Variants in HMGXB4 observed in about 807,000 individuals in gnomAD.
HMGXB4 encodes HMG domain-containing protein 4.
In HMGXB4, 27 loss-of-function variants were observed where a neutral mutation model predicts 63.9. The observed-to-expected ratio is 0.42, with a 90% confidence interval of 0.31 to 0.58. The LOEUF (loss-of-function observed/expected upper bound fraction) is 0.58. HMGXB4 is among the 20% of genes least tolerant of loss of function. HMGXB4 has a pLI of 0.13. For synonymous variants in HMGXB4, 264 were observed against 265.3 expected, an observed-to-expected ratio of 0.99 and a Z score of 0.05; for missense variants, 624 against 700.7, an observed-to-expected ratio of 0.89 and a Z score of 1.24.
intron 1 of HMGXB4, among the ~76,000 whole-genome samples, chr22:35,259,969 A>C (rs774597489): frequency 2.0e-5 from 3 of 152,176 alleles, no homozygotes; most frequent in Non-Finnish European, 4.4e-5. Context: ...ACAACTTTTT[A>C]ATCCACTAGT....
At chr22:35,291,636 C>T (rs145063960) in intron 9 of HMGXB4, among the ~76,000 whole-genome samples, 2 of 152,086 alleles carry the variant, frequency 1.3e-5, no homozygotes, top group Non-Finnish European at 2.9e-5. Flanking sequence ...CTATTATCTT[C>T]CCTGTATACT....
intron 9 of HMGXB4, among the ~76,000 whole-genome samples, chr22:35,291,112 A>G (rs534547224): frequency 2.0e-5 from 3 of 152,138 alleles, no homozygotes; most frequent in Admixed American, 2.0e-4. Context: ...AAAATACAAA[A>G]ATTAGCCAGT....
intron 5 of HMGXB4, among the ~76,000 whole-genome samples, chr22:35,268,256 C>T (rs1358365671): frequency 2.0e-5 from 3 of 152,204 alleles, no homozygotes; most frequent in Non-Finnish European, 4.4e-5. Flanking sequence ...ACCCCAGAGC[C>T]AACAACTGTT....
chr22:35,287,517 A>G, intron 8 of HMGXB4, 65 bp downstream of exon 8: 1 of 1,166,148 alleles, frequency 8.6e-7, no homozygotes, highest in African/African-American at 1.5e-5. Flanking sequence ...TTGCTAAGAA[A>G]CTGGGAAAAA....
chr22:35,246,126 A>C, the HMGXB4 span, among the ~76,000 whole-genome samples: 1 of 152,068 alleles, frequency 6.6e-6, no homozygotes, highest in South Asian at 2.1e-4. Context: ...CTTCCCTGAC[A>C]CCACCTGGGA....
At chr22:35,252,564 C>A (rs1283181835), upstream of HMGXB4, among the ~76,000 whole-genome samples, 1 of 152,224 alleles carries the variant, frequency 6.6e-6, no homozygotes, top group Non-Finnish European at 1.5e-5. Context: ...TGAGTAATAT[C>A]CCACTGTACG....
chr22:35,286,031 G>A lies in HMGXB4; in HGVS notation c.1332G>A (p.Val444=). Residue 444 remains valine (V), a synonymous_variant, in exon 7 of 11, where the codon GTG becomes GTA. Coordinates refer to ENST00000216106, the MANE Select transcript of HMGXB4 (RefSeq NM_001003681.3). ...AACTTAGTAAAAAACTGGCTGAGGTGTGGAAGCAATTACCAGAAAAAGACA... is the reference window on the plus strand; with the variant it reads ...AACTTAGTAAAAAACTGGCTGAGGTATGGAAGCAATTACCAGAAAAAGACA... The part of the protein sequence containing the change: ...FGELSKKLAE[V]WKQLPEKDKL... 4 of 1,610,758 alleles carry A rather than the reference G, an allele frequency of 2.5e-6. No homozygotes were observed. Among genetic ancestry groups the A allele is most frequent in the Non-Finnish European group, 3.4e-6 (4 of 1,179,308 alleles).
chr22:35,252,425 C>T, the HMGXB4 span, among the ~76,000 whole-genome samples: 1 of 152,200 alleles, frequency 6.6e-6, no homozygotes, highest in East Asian at 1.9e-4. Context: ...TTTCTATGAG[C>T]TTGACTATTA....
the HMGXB4 span, among the ~76,000 whole-genome samples, chr22:35,250,232 GA>G: frequency 6.6e-6 from 1 of 152,162 alleles, no homozygotes; most frequent in Non-Finnish European, 1.5e-5. Context: ...GAATACTTGA[GA>G]CTGGGTAATT....
chr22:35,246,143 G>C, the HMGXB4 span, among the ~76,000 whole-genome samples: 4 of 152,222 alleles, frequency 2.6e-5, no homozygotes, highest in African/African-American at 9.6e-5. Context: ...GGGATGGGAA[G>C]GGGGTGCAGG....
chr22:35,277,548 C>T (rs1221208331), intron 5 of HMGXB4, among the ~76,000 whole-genome samples: 1 of 152,106 alleles, frequency 6.6e-6, no homozygotes, highest in African/African-American at 2.4e-5. Context: ...GGGGTTTCAC[C>T]ATATTGGCCA....
At chr22:35,273,645 A>G (rs1923737770) in intron 5 of HMGXB4, among the ~76,000 whole-genome samples, 1 of 152,208 alleles carries the variant, frequency 6.6e-6, no homozygotes. Context: ...AAGCAAGGAG[A>G]CTATGTTTTA....
chr22:35,269,607 A>G (rs1204813116), intron 5 of HMGXB4, among the ~76,000 whole-genome samples: 1 of 152,226 alleles, frequency 6.6e-6, no homozygotes, highest in African/African-American at 2.4e-5. Context: ...TTAAATGCCA[A>G]AGTAAAGGAC....
At chr22:35,284,074 G>A in intron 6 of HMGXB4, 31 bp downstream of exon 6, 1 of 1,467,322 alleles carries the variant, frequency 6.8e-7, no homozygotes. Context: ...TAGCGCTTTT[G>A]CTTTCCATTT....
At chr22:35,252,378 C>T in the HMGXB4 span, among the ~76,000 whole-genome samples, 1 of 152,214 alleles carries the variant, frequency 6.6e-6, no homozygotes, top group Non-Finnish European at 1.5e-5. Context: ...TTCCATTTCC[C>T]CCATGCTCCA....
At chr22:35,244,849 G>A in the HMGXB4 span, among the ~76,000 whole-genome samples, 583 of 152,252 alleles carry the variant, frequency 3.8e-3, 2 homozygotes, top group Non-Finnish European at 6.6e-3. Flanking sequence ...GTATACTCTC[G>A]TAACAAAACT....
At chr22:35,272,878 G>A (rs1923693143) in intron 5 of HMGXB4, among the ~76,000 whole-genome samples, 2 of 152,234 alleles carry the variant, frequency 1.3e-5, no homozygotes. Flanking sequence ...AGGTTGCAGT[G>A]AGCCAAGATC....
chr22:35,259,246 G>A (rs1412638031), intron 1 of HMGXB4, among the ~76,000 whole-genome samples: 3 of 152,312 alleles, frequency 2.0e-5, no homozygotes, highest in African/African-American at 7.2e-5. Flanking sequence ...TCAACAGTAT[G>A]AAATAGTGAA....
At chr22:35,282,329 A>G (rs1429905593) in intron 5 of HMGXB4, among the ~76,000 whole-genome samples, 1 of 151,902 alleles carries the variant, frequency 6.6e-6, no homozygotes, top group Non-Finnish European at 1.5e-5. Context: ...GGCGCCCACC[A>G]CCATGCCCGG....
Sources: gnomAD v4.1 joint callset for allele counts (sites outside exome capture counted in the v4.1 genomes callset) on GRCh38, gnomAD v4.1.1 for gene constraint, MANE v1.5 for transcripts, NCBI Gene and HGNC (gene_info 2026-07-23, HGNC 2026-07-21) for gene names.